The following SGCZ variants were observed in gnomAD, a reference collection of about 807,000 sequenced individuals.
SGCZ encodes zeta-sarcoglycan.
In SGCZ, 40 loss-of-function variants were observed where a neutral mutation model predicts 41.3. That is an observed-to-expected ratio of 0.97 (90% CI 0.75 to 1.26). The LOEUF (loss-of-function observed/expected upper bound fraction) is 1.26, where lower values mean the gene tolerates loss of function less well. SGCZ is among the 50% of genes most tolerant of loss of function. SGCZ has a pLI of 0.00. For synonymous variants in SGCZ, 206 were observed against 137.5 expected, an observed-to-expected ratio of 1.50 and a Z score of -3.49; for missense variants, 552 against 369.8, an observed-to-expected ratio of 1.49 and a Z score of -4.04.
At chr8:15,174,643 A>C (rs1799943921) in intron 1 of SGCZ, among the ~76,000 whole-genome samples, 2 of 152,316 alleles carry the variant, frequency 1.3e-5, no homozygotes, top group African/African-American at 4.8e-5. Flanking sequence ...GTACCATTTT[A>C]CAACCCTTCC....
chr8:14,930,353 T>C (rs1799890196), intron 1 of SGCZ, among the ~76,000 whole-genome samples: 1 of 151,996 alleles, frequency 6.6e-6, no homozygotes, highest in Admixed American at 6.5e-5. Flanking sequence ...CTCGAGAGGA[T>C]GTGGAGAAAT....
chr8:14,753,656 CTTAG>C (rs776291713), intron 1 of SGCZ, among the ~76,000 whole-genome samples: 2 of 152,156 alleles, frequency 1.3e-5, no homozygotes, highest in Non-Finnish European at 2.9e-5. Flanking sequence ...GAGTTGCAGT[CTTAG>C]TTAGTGTAAC....
chr8:14,855,184 C>T (rs1174848544), intron 1 of SGCZ, among the ~76,000 whole-genome samples: 1 of 151,908 alleles, frequency 6.6e-6, no homozygotes, highest in Non-Finnish European at 1.5e-5. Flanking sequence ...TCCTGAGTAG[C>T]TGGGAATAAG....
In SGCZ at chr8:14,887,207, C is replaced by A. The variant is rs115633241; in HGVS notation, c.40-332281G>T. On this transcript the variant is annotated intron_variant, in intron 1 of 7. Transcript: ENST00000382080. ...TCACTGGAGATATAAATTTTAGGGTCCTCATCATAGAGATTATATTTAAAC... is the reference window on the plus strand; with the variant it reads ...TCACTGGAGATATAAATTTTAGGGTACTCATCATAGAGATTATATTTAAAC... 9.2e-3 allele frequency among the ~76,000 whole-genome samples: 1,406 copies of A among 152,180 alleles called. 15 individuals carry two copies. Among genetic ancestry groups the A allele is most frequent in the African/African-American group, 0.032 (1,320 of 41,530 alleles).
intron 5 of SGCZ, among the ~76,000 whole-genome samples, chr8:14,159,924 C>T (rs1585189141): frequency 1.3e-5 from 2 of 152,156 alleles, no homozygotes; most frequent in Admixed American, 1.3e-4. Context: ...TAAAAGACAG[C>T]TCTTCAGAAA....
intron 1 of SGCZ, among the ~76,000 whole-genome samples, chr8:14,951,281 C>T (rs1291920173): frequency 6.6e-6 from 1 of 151,936 alleles, no homozygotes; most frequent in East Asian, 1.9e-4. Flanking sequence ...AAATAAGCTG[C>T]AAAATTAGCA....
At chr8:14,153,205 A>C (rs900484547) in intron 5 of SGCZ, among the ~76,000 whole-genome samples, 2 of 152,204 alleles carry the variant, frequency 1.3e-5, no homozygotes, top group African/African-American at 4.8e-5. Context: ...ATTATTTGTT[A>C]CAACTGTATG....
chr8:14,472,303 T>A (rs912634382), intron 2 of SGCZ, among the ~76,000 whole-genome samples: 7 of 152,100 alleles, frequency 4.6e-5, no homozygotes, highest in Admixed American at 4.6e-4. Flanking sequence ...TTATATTTTA[T>A]TTAAGAAAGC....
At chr8:14,699,648 G>C (rs1809072824) in intron 1 of SGCZ, among the ~76,000 whole-genome samples, 1 of 151,840 alleles carries the variant, frequency 6.6e-6, no homozygotes. Flanking sequence ...CTTCTGCACA[G>C]CAAAAGCAAC....
intron 1 of SGCZ, among the ~76,000 whole-genome samples, chr8:15,133,647 T>C (rs974659595): frequency 5.3e-5 from 8 of 152,278 alleles, no homozygotes; most frequent in Middle Eastern, 3.4e-3. Context: ...CTGATGTCTT[T>C]TACTCTCTTA....
intron 1 of SGCZ, among the ~76,000 whole-genome samples, chr8:14,821,966 C>T (rs975491132): frequency 6.6e-6 from 1 of 151,764 alleles, no homozygotes; most frequent in African/African-American, 2.4e-5. Flanking sequence ...CTAGCCAGGA[C>T]AATTAGGCAA....
Position 14,909,989 on chromosome 8 carries a change from T to C in SGCZ, c.39+327596A>G, listed in dbSNP as rs559761856. Among the ~76,000 whole-genome samples the C allele has an allele frequency of 2.6e-5, 4 of 152,220 alleles. No homozygotes were observed. The East Asian group carries it at 5.8e-4, about 22-fold the overall frequency. Reference sequence around the variant, plus strand: ...ATAAGAGAACTTTTCAGTTAATCTCTCCATTTTTAATGCATTGGCCTCTAT... The same window carrying C: ...ATAAGAGAACTTTTCAGTTAATCTCCCCATTTTTAATGCATTGGCCTCTAT... On this transcript the variant is annotated intron_variant, in intron 1 of 7. Transcript: ENST00000382080.
chr8:14,803,182 G>T (rs375977875), intron 1 of SGCZ, among the ~76,000 whole-genome samples: 1 of 152,114 alleles, frequency 6.6e-6, no homozygotes, highest in Non-Finnish European at 1.5e-5. Flanking sequence ...TTTTAAAAAA[G>T]TGAAATAATC....
intron 1 of SGCZ, among the ~76,000 whole-genome samples, chr8:15,017,261 T>C (rs149984174): frequency 2.6e-5 from 4 of 152,170 alleles, no homozygotes; most frequent in East Asian, 1.9e-4. Context: ...AATTTTTATA[T>C]AGGATTCGAT....
Position 14,938,348 on chromosome 8 carries a change from C to T in SGCZ, c.39+299237G>A, listed in dbSNP as rs564898123. On this transcript the variant is annotated intron_variant, in intron 1 of 7. Coordinates refer to ENST00000382080, the MANE Select transcript of SGCZ (RefSeq NM_139167.4). ...TGTGTGGATTTTCTTCCACCTCTGC[C>T]GCTCCTGAGATGGCAAGACCAATCC... 4.1e-4 allele frequency among the ~76,000 whole-genome samples: 63 copies of T among 152,158 alleles called. No individual in the cohort carries two copies. The South Asian group carries it at 4.8e-3, about 12-fold the overall frequency.
intron 5 of SGCZ, among the ~76,000 whole-genome samples, chr8:14,145,774 G>A (rs1803503605): frequency 6.6e-6 from 1 of 152,096 alleles, no homozygotes; most frequent in African/African-American, 2.4e-5. Flanking sequence ...AAAAGAAGCA[G>A]GAATCCTGGA....
At chr8:14,879,319 C>A (rs578164077) in intron 1 of SGCZ, 10 of 151,950 alleles carry the variant, frequency 6.6e-5, no homozygotes, top group Admixed American at 2.6e-4. Flanking sequence ...CAGAGTGAGA[C>A]TCTATGTTAA....
At chr8:14,505,271 T>C (rs990900267) in intron 2 of SGCZ, among the ~76,000 whole-genome samples, 2 of 152,148 alleles carry the variant, frequency 1.3e-5, no homozygotes, top group African/African-American at 4.8e-5. Flanking sequence ...TGTATATGTG[T>C]TTGAATGTGT....
At chr8:15,026,468 C>A (rs1262469083) in intron 1 of SGCZ, among the ~76,000 whole-genome samples, 1 of 152,104 alleles carries the variant, frequency 6.6e-6, no homozygotes, top group Non-Finnish European at 1.5e-5. Context: ...AAATTACAGA[C>A]AAAAAGTTTG....
Sources: gnomAD v4.1 joint callset for allele counts (sites outside exome capture counted in the v4.1 genomes callset) on GRCh38, gnomAD v4.1.1 for gene constraint, MANE v1.5 for transcripts, NCBI Gene and HGNC (gene_info 2026-07-23, HGNC 2026-07-21) for gene names.